The following PARM1 variants were observed in gnomAD, a reference collection of about 807,000 sequenced individuals.
PARM1 encodes the protein WSC4, cell wall integrity and stress response component 4 homolog.
Under a neutral mutation model 24.6 loss-of-function variants are expected in PARM1, and 14 were observed. The ratio of observed to expected loss-of-function variants is 0.57; its 90% CI spans 0.38 to 0.89. The LOEUF is 0.89. Among genes scored for constraint, PARM1 ranks in the 40% least tolerant of loss-of-function variants. PARM1 has a pLI of 0.00. For missense variants in PARM1, 362 were observed against 380.4 expected (o/e 0.95, Z 0.40); for synonymous variants, 179 against 156.6 (o/e 1.14, Z -1.07).
In PARM1 at chr4:74,958,424, C is replaced by T. The variant is rs193220412; in HGVS notation, c.43+25054C>T. Among the ~76,000 whole-genome samples, 239 of 152,114 alleles carry T rather than the reference C, an allele frequency of 1.6e-3. 1 individual carries two copies. The highest frequency in any genetic ancestry group is 2.1e-3 in the Admixed American group (32 of 15,282). Reference sequence around the variant, plus strand: ...AGTATAGCAGAAACCCAAAGCAGACCGGGTAACTATTTTACTTGATGAAGA... The same window carrying T: ...AGTATAGCAGAAACCCAAAGCAGACTGGGTAACTATTTTACTTGATGAAGA... On this transcript the variant is annotated intron_variant, in intron 1 of 3. Transcript: ENST00000307428.
chr4:74,953,531 G>A (rs188409451), intron 1 of PARM1, among the ~76,000 whole-genome samples: 3 of 152,258 alleles, frequency 2.0e-5, no homozygotes, highest in East Asian at 3.9e-4. Flanking sequence ...ACCCAACATC[G>A]GTGCCCAGGA....
chr4:74,988,757 G>A (rs1722407427), intron 1 of PARM1, among the ~76,000 whole-genome samples: 1 of 152,190 alleles, frequency 6.6e-6, no homozygotes, highest in African/African-American at 2.4e-5. Context: ...AAAGGAGTTG[G>A]CATGCTAGAG....
chr4:75,027,371 G>A (rs577836445), intron 2 of PARM1, among the ~76,000 whole-genome samples: 2 of 152,224 alleles, frequency 1.3e-5, no homozygotes, highest in African/African-American at 4.8e-5. Flanking sequence ...AGAGGGAGGA[G>A]ACGAGATGTG....
chr4:74,955,249 T>G (rs1489111562), intron 1 of PARM1, among the ~76,000 whole-genome samples: 1 of 151,910 alleles, frequency 6.6e-6, no homozygotes, highest in Non-Finnish European at 1.5e-5. Flanking sequence ...AAAAAACTCA[T>G]TAAAGCTATA....
intron 1 of PARM1, chr4:74,956,001 A>G (rs577927808): frequency 6.6e-6 from 1 of 152,398 alleles, no homozygotes; most frequent in African/African-American, 2.4e-5. Context: ...ATGAATTTTA[A>G]TTTAAAAATG....
chr4:74,949,360 C>A (rs1721476895), intron 1 of PARM1, among the ~76,000 whole-genome samples: 2 of 152,088 alleles, frequency 1.3e-5, no homozygotes, highest in Non-Finnish European at 2.9e-5. Context: ...GCTCTGTCAC[C>A]CAGACTGGAG....
rs78710788 is a variant in PARM1 at position 75,000,348 on chromosome 4, C to T, written c.44-12077C>T. Among the ~76,000 whole-genome samples the T allele has an allele frequency of 1.2e-3, 176 of 152,260 alleles. 2 individuals are homozygous for T. In the East Asian group the frequency reaches 0.027, roughly 23 times the overall value. On this transcript the variant is annotated intron_variant, in intron 1 of 3. Transcript: ENST00000307428. ...GGAAACCTGATGAACCATGCCTTAGCTCACAAGGTATATAGTGTTTATTTA... is the reference window on the plus strand; with the variant it reads ...GGAAACCTGATGAACCATGCCTTAGTTCACAAGGTATATAGTGTTTATTTA...
At chr4:75,026,419 A>G (rs1460087189) in intron 2 of PARM1, among the ~76,000 whole-genome samples, 3 of 152,244 alleles carry the variant, frequency 2.0e-5, no homozygotes, top group Non-Finnish European at 4.4e-5. Flanking sequence ...ATATGGCAGT[A>G]TCAGTTACAT....
intron 1 of PARM1, among the ~76,000 whole-genome samples, chr4:74,972,302 T>A (rs1722053760): frequency 6.6e-6 from 1 of 152,238 alleles, no homozygotes; most frequent in Admixed American, 6.5e-5. Context: ...GTTTTGTTTT[T>A]GCAATGCAAA....
chr4:74,964,363 G>A (rs995710256), intron 1 of PARM1, among the ~76,000 whole-genome samples: 4 of 152,166 alleles, frequency 2.6e-5, no homozygotes, highest in African/African-American at 9.7e-5. Flanking sequence ...CAGACACACT[G>A]TCACGTTAAG....
chr4:74,937,829 A>G (rs1230887624), intron 1 of PARM1, among the ~76,000 whole-genome samples: 1 of 152,270 alleles, frequency 6.6e-6, no homozygotes, highest in African/African-American at 2.4e-5. Context: ...ACCAATGTGC[A>G]AATGAAGAAA....
intron 2 of PARM1, among the ~76,000 whole-genome samples, chr4:75,028,030 T>G (rs112044335): frequency 2.8e-3 from 420 of 152,324 alleles, no homozygotes; most frequent in African/African-American, 7.9e-3. Flanking sequence ...GTCCTTAGCA[T>G]CTCTGTGACT....
chr4:74,975,257 A>G (rs551074209), intron 1 of PARM1, among the ~76,000 whole-genome samples: 1 of 152,348 alleles, frequency 6.6e-6, no homozygotes, highest in South Asian at 2.1e-4. Context: ...TTAGAGTTAA[A>G]TGAACTCTAG....
intron 1 of PARM1, among the ~76,000 whole-genome samples, chr4:75,006,390 G>A (rs1256620570): frequency 6.6e-6 from 1 of 151,458 alleles, no homozygotes; most frequent in Admixed American, 6.6e-5. Context: ...AGAACATGTG[G>A]AGTTTGGTTT....
intron 2 of PARM1, among the ~76,000 whole-genome samples, chr4:75,021,282 G>A (rs952801078): frequency 1.3e-5 from 2 of 152,222 alleles, no homozygotes; most frequent in Non-Finnish European, 2.9e-5. Context: ...CCTTTAAGCA[G>A]TGTAGCTGTC....
At chr4:75,016,268 G>A (rs1341344094) in intron 2 of PARM1, among the ~76,000 whole-genome samples, 4 of 152,180 alleles carry the variant, frequency 2.6e-5, no homozygotes, top group Non-Finnish European at 5.9e-5. Flanking sequence ...CCAAGAGCAC[G>A]ATCATTAAGG....
intron 1 of PARM1, among the ~76,000 whole-genome samples, chr4:74,957,689 G>C (rs1407939245): frequency 6.6e-6 from 1 of 152,134 alleles, no homozygotes; most frequent in Non-Finnish European, 1.5e-5. Context: ...CATTTGTCTA[G>C]AGTAGAGAGC....
chr4:75,027,364 G>C (rs1723202371), intron 2 of PARM1, among the ~76,000 whole-genome samples: 1 of 152,096 alleles, frequency 6.6e-6, no homozygotes, highest in African/African-American at 2.4e-5. Context: ...TGGGGTAAGA[G>C]GGAGGAGACG....
intron 1 of PARM1, among the ~76,000 whole-genome samples, chr4:75,001,009 CTG>C (rs1461761652): frequency 6.6e-6 from 1 of 152,156 alleles, no homozygotes; most frequent in Non-Finnish European, 1.5e-5. Flanking sequence ...TACTTTCTAA[CTG>C]TGTATCTTGG....
Sources: allele counts gnomAD v4.1 joint callset (sites outside exome capture counted in the v4.1 genomes callset), GRCh38; gene constraint gnomAD v4.1.1; transcripts MANE v1.5; gene names NCBI Gene and HGNC (gene_info 2026-07-23, HGNC 2026-07-21).